PDE3A: variants seen among roughly 807,000 people sequenced by gnomAD.
PDE3A encodes cGMP-inhibited 3',5'-cyclic phosphodiesterase 3A.
In PDE3A, 43 loss-of-function variants were observed where a neutral mutation model predicts 98.3. The observed-to-expected ratio is 0.44, with a 90% CI of 0.34 to 0.56. The LOEUF (loss-of-function observed/expected upper bound fraction) is 0.56. PDE3A is among the 20% of genes least tolerant of loss of function. The pLI, the probability that PDE3A is intolerant of heterozygous loss-of-function variation, is 0.01. For synonymous variants in PDE3A, 663 were observed against 567.9 expected, an observed-to-expected ratio of 1.17 and a Z score of -2.38; for missense variants, 1,427 against 1,440.7, an observed-to-expected ratio of 0.99 and a Z score of 0.15.
At chr12:20,450,151 A>G (rs1945039463) in intron 1 of PDE3A, 1 of 386,222 alleles carries the variant, frequency 2.6e-6, no homozygotes, top group Admixed American at 4.1e-5. Context: ...GCCATTTATT[A>G]TGCTTTATTT....
At chr12:20,632,874 C>T (rs1397249438) in intron 6 of PDE3A, among the ~76,000 whole-genome samples, 1 of 151,416 alleles carries the variant, frequency 6.6e-6, no homozygotes, top group African/African-American at 2.4e-5. Flanking sequence ...CTATTTCAAC[C>T]TATGCTGTCT....
chr12:20,514,245 A>G (rs1946276509), intron 1 of PDE3A, among the ~76,000 whole-genome samples: 1 of 152,204 alleles, frequency 6.6e-6, no homozygotes, highest in Non-Finnish European at 1.5e-5. Context: ...GCTTGTTTTT[A>G]GTTTCAAATC....
intron 15 of PDE3A, among the ~76,000 whole-genome samples, chr12:20,665,324 T>C (rs1945282222): frequency 6.6e-6 from 1 of 152,234 alleles, no homozygotes; most frequent in African/African-American, 2.4e-5. Context: ...TGACATTAAA[T>C]AGTCTTCTTT....
Position 20,537,893 on chromosome 12 carries a change from A to G in PDE3A, c.961-18767A>G, listed in dbSNP as rs191629666. 1.3e-4 allele frequency among the ~76,000 whole-genome samples: 20 copies of G among 151,564 alleles called. No individual in the cohort carries two copies. In the South Asian group the frequency reaches 2.1e-3, roughly 16 times the overall value. On this transcript the variant is annotated intron_variant, in intron 1 of 15. Coordinates refer to ENST00000359062, the MANE Select transcript of PDE3A (RefSeq NM_000921.5). Reference sequence around the variant, plus strand: ...CTTGTGAGAGTCTTTTTAAAATTCTATAGTCAGATCTATGACAACAAAAGA... The same window carrying G: ...CTTGTGAGAGTCTTTTTAAAATTCTGTAGTCAGATCTATGACAACAAAAGA...
intron 1 of PDE3A, among the ~76,000 whole-genome samples, chr12:20,495,587 T>C (rs1181349823): frequency 6.6e-6 from 1 of 152,212 alleles, no homozygotes; most frequent in Non-Finnish European, 1.5e-5. Flanking sequence ...AATTTTTTTC[T>C]ATGGCTATTA....
intron 1 of PDE3A, among the ~76,000 whole-genome samples, chr12:20,460,390 A>G (rs565014746): frequency 6.6e-6 from 1 of 152,340 alleles, no homozygotes; most frequent in South Asian, 2.1e-4. Flanking sequence ...TCATTGGCTG[A>G]AAGCGTACAA....
At chr12:20,518,407 G>GA (rs764517221) in intron 1 of PDE3A, among the ~76,000 whole-genome samples, 23 of 145,186 alleles carry the variant, frequency 1.6e-4, no homozygotes, top group South Asian at 4.4e-4. Flanking sequence ...TAATAATGGA[G>GA]AAAAAAAAAA....
chr12:20,511,222 C>T (rs946659761), intron 1 of PDE3A, among the ~76,000 whole-genome samples: 4 of 151,974 alleles, frequency 2.6e-5, no homozygotes, highest in Admixed American at 1.3e-4. Flanking sequence ...TTCCTTGCTC[C>T]GCATACTGCA....
At position 20,548,112 on chromosome 12, in the gene PDE3A, C is replaced by T. The variant is rs578017565; in HGVS notation, c.961-8548C>T. Among the ~76,000 whole-genome samples the T allele has an allele frequency of 2.7e-4, 41 of 152,144 alleles. No homozygotes were observed. In the South Asian group the frequency reaches 8.3e-3, roughly 31 times the overall value. ...GGATCAAAATGACTTAGTGTCAAAG[C>T]AGTTAGGATTTTCAAAATGCTTTCT... On this transcript the variant is annotated intron_variant, in intron 1 of 15. Transcript: ENST00000359062.
intron 1 of PDE3A, among the ~76,000 whole-genome samples, chr12:20,448,752 G>GTTTTTTTT (rs34848615): frequency 1.4e-5 from 2 of 138,560 alleles, no homozygotes; most frequent in East Asian, 2.2e-4. Context: ...TTATTTTAAG[G>GTTTTTTTT]TTTTTTTTTT....
intron 2 of PDE3A, among the ~76,000 whole-genome samples, chr12:20,585,581 A>G (rs1943173390): frequency 6.6e-6 from 1 of 152,154 alleles, no homozygotes. Flanking sequence ...AACTTCTGTG[A>G]GTCTGAATCT....
chr12:20,499,872 T>G (rs186304075), intron 1 of PDE3A, among the ~76,000 whole-genome samples: 1 of 152,344 alleles, frequency 6.6e-6, no homozygotes. Flanking sequence ...GTGGGGCATT[T>G]TAGCTGTACG....
At chr12:20,433,329 C>A (rs918449312) in intron 1 of PDE3A, among the ~76,000 whole-genome samples, 1 of 151,980 alleles carries the variant, frequency 6.6e-6, no homozygotes, top group Non-Finnish European at 1.5e-5. Flanking sequence ...CTATGTGTTC[C>A]TGAAATGAAA....
At chr12:20,574,677 A>C (rs145781485) in intron 2 of PDE3A, among the ~76,000 whole-genome samples, 1 of 152,006 alleles carries the variant, frequency 6.6e-6, no homozygotes, top group Non-Finnish European at 1.5e-5. Context: ...TATGCTCAGC[A>C]TGATGAGCCC....
chr12:20,460,799 T>A (rs1389919739), intron 1 of PDE3A, among the ~76,000 whole-genome samples: 1 of 152,058 alleles, frequency 6.6e-6, no homozygotes, highest in Non-Finnish European at 1.5e-5. Flanking sequence ...CTCAGAGGAG[T>A]TCTGTAGCCT....
At chr12:20,649,965 T>C (rs75358386) in intron 13 of PDE3A, among the ~76,000 whole-genome samples, 6 of 40,256 alleles carry the variant, frequency 1.5e-4, no homozygotes, top group Non-Finnish European at 3.8e-4. Context: ...TATATGCCAA[T>C]TTAAAAAAGC....
chr12:20,392,218 T>G (rs879433013), intron 1 of PDE3A, among the ~76,000 whole-genome samples: 1 of 152,012 alleles, frequency 6.6e-6, no homozygotes, highest in Non-Finnish European at 1.5e-5. Context: ...TTGGTCCCAA[T>G]GCAAATAGGA....
At chr12:20,570,407 C>CAAAAAAAAAAAAAA (rs61242685) in intron 2 of PDE3A, among the ~76,000 whole-genome samples, 9 of 43,356 alleles carry the variant, frequency 2.1e-4, no homozygotes, top group African/African-American at 9.4e-4. Context: ...GACGCTGTCT[C>CAAAAAAAAAAAAAA]AAAAAAAAAA....
At chr12:20,542,768 A>G (rs1941952564) in intron 1 of PDE3A, among the ~76,000 whole-genome samples, 1 of 151,986 alleles carries the variant, frequency 6.6e-6, no homozygotes, top group South Asian at 2.1e-4. Context: ...AAGAAAGGAG[A>G]TCAATTTTAT....
Sources: allele counts gnomAD v4.1 joint callset (sites outside exome capture counted in the v4.1 genomes callset), GRCh38; gene constraint gnomAD v4.1.1; transcripts MANE v1.5; gene names NCBI Gene and HGNC (gene_info 2026-07-23, HGNC 2026-07-21).